LRRC37A2: variants seen among roughly 807,000 people sequenced by gnomAD.
The protein encoded by LRRC37A2 is leucine-rich repeat-containing protein 37A2.
In LRRC37A2, 9 loss-of-function variants were observed where a neutral mutation model predicts 68.8. The ratio of observed to expected loss-of-function variants is 0.13; its 90% CI spans 0.08 to 0.23. LRRC37A2 has a LOEUF of 0.23. Among genes scored for constraint, LRRC37A2 ranks in the 10% least tolerant of loss-of-function variants. The pLI is 1.00. For missense variants in LRRC37A2, 168 were observed against 950.4 expected (o/e 0.18, Z 10.82); for synonymous variants, 63 against 367.6 (o/e 0.17, Z 9.48).
chr17:46,729,578 A>T, the LRRC37A2 span, among the ~76,000 whole-genome samples: 1 of 152,274 alleles, frequency 6.6e-6, no homozygotes, highest in East Asian at 1.9e-4. Context: ...CTGCCAGAGC[A>T]TGTTTGGCTG....
At chr17:46,885,655 T>C in the LRRC37A2 span, 7 of 152,226 alleles carry the variant, frequency 4.6e-5, no homozygotes, top group African/African-American at 1.7e-4. Flanking sequence ...AATATTGGCA[T>C]CTTTTGTTTT....
At chr17:46,995,895 C>G in the LRRC37A2 span, among the ~76,000 whole-genome samples, 1 of 152,174 alleles carries the variant, frequency 6.6e-6, no homozygotes, top group Admixed American at 6.5e-5. Context: ...AGGGGCCTGG[C>G]CTGCTCCATC....
chr17:46,812,199 G>A, the LRRC37A2 span, among the ~76,000 whole-genome samples: 3 of 152,146 alleles, frequency 2.0e-5, no homozygotes, highest in Non-Finnish European at 4.4e-5. Flanking sequence ...CTGAGAGCAG[G>A]GAATTCCCTC....
chr17:46,786,625 C>T, the LRRC37A2 span, among the ~76,000 whole-genome samples: 720 of 152,362 alleles, frequency 4.7e-3, 7 homozygotes, highest in African/African-American at 0.014. Context: ...TCAGGACTCC[C>T]AGGTAAAGCC....
chr17:46,741,531 G>A, the LRRC37A2 span, among the ~76,000 whole-genome samples: 1 of 151,940 alleles, frequency 6.6e-6, no homozygotes, highest in Non-Finnish European at 1.5e-5. Flanking sequence ...CTGCCTAGTT[G>A]TGGCATGATT....
chr17:47,033,420 C>G, the LRRC37A2 span: 3 of 691,510 alleles, frequency 4.3e-6, no homozygotes, highest in Non-Finnish European at 7.8e-6. Context: ...ACTTTCTCCC[C>G]AAGTACATCG....
chr17:46,974,987 C>CTT, the LRRC37A2 span, among the ~76,000 whole-genome samples: 877 of 118,932 alleles, frequency 7.4e-3, 57 homozygotes, highest in Admixed American at 0.01. Flanking sequence ...TTACTATTTT[C>CTT]TTTTTTTTTT....
the LRRC37A2 span, chr17:46,773,922 A>G: frequency 6.2e-7 from 1 of 1,610,094 alleles, no homozygotes; most frequent in African/African-American, 1.3e-5. Context: ...GCAGGCAGAC[A>G]GAGGGTAGTA....
the LRRC37A2 span, among the ~76,000 whole-genome samples, chr17:46,782,918 G>C: frequency 6.6e-6 from 1 of 152,212 alleles, no homozygotes. Context: ...CAGGGCCAAG[G>C]GTAGGGGGTT....
the LRRC37A2 span, among the ~76,000 whole-genome samples, chr17:46,982,204 C>G: frequency 6.6e-6 from 1 of 152,232 alleles, no homozygotes; most frequent in Non-Finnish European, 1.5e-5. Context: ...CCCGAACATT[C>G]TGTCCTCTGC....
At chr17:46,713,232 A>T in the LRRC37A2 span, 3 of 152,414 alleles carry the variant, frequency 2.0e-5, no homozygotes, top group African/African-American at 7.2e-5. Flanking sequence ...AGTCGAACAT[A>T]TGGGAGAAAG....
chr17:46,832,367 G>T, the LRRC37A2 span, among the ~76,000 whole-genome samples: 1 of 140,410 alleles, frequency 7.1e-6, no homozygotes, highest in South Asian at 2.6e-4. Flanking sequence ...AAGTTTTAAT[G>T]ATACACAACA....
chr17:46,891,067 C>T, the LRRC37A2 span, among the ~76,000 whole-genome samples: 4 of 151,768 alleles, frequency 2.6e-5, no homozygotes, highest in Admixed American at 2.0e-4. Context: ...TTGCAAAGCA[C>T]CTGATGGGGA....
the LRRC37A2 span, among the ~76,000 whole-genome samples, chr17:46,799,396 T>C: frequency 6.6e-6 from 1 of 152,028 alleles, no homozygotes; most frequent in African/African-American, 2.4e-5. Context: ...TTAGATGACC[T>C]GTAGAACATC....
At chr17:47,047,796 G>C in the LRRC37A2 span, among the ~76,000 whole-genome samples, 8 of 151,590 alleles carry the variant, frequency 5.3e-5, no homozygotes, top group Non-Finnish European at 1.2e-4. Context: ...TAGAATGGAG[G>C]GCTTTTCCAT....
At chr17:47,019,700 C>A in the LRRC37A2 span, 1 of 1,241,312 alleles carries the variant, frequency 8.1e-7, no homozygotes. Context: ...TCTGTACCTG[C>A]GGAGATGAGA....
the LRRC37A2 span, among the ~76,000 whole-genome samples, chr17:46,575,222 G>A: frequency 8.7e-6 from 1 of 115,248 alleles, no homozygotes; most frequent in Non-Finnish European, 2.0e-5. Context: ...TGGATCTAGA[G>A]GCAGTTCACA....
At chr17:46,768,833 C>T in the LRRC37A2 span, 8 of 1,605,228 alleles carry the variant, frequency 5.0e-6, no homozygotes, top group Non-Finnish European at 6.8e-6. The surrounding 1 kb of genome is among the most constrained non-coding windows in gnomAD (Gnocchi z 5.0). Context: ...GCCAACAGAC[C>T]GACCCCACGA....
chr17:46,424,672 T>A, the LRRC37A2 span, among the ~76,000 whole-genome samples: 5 of 114,514 alleles, frequency 4.4e-5, no homozygotes, highest in Admixed American at 4.2e-4. Flanking sequence ...TTTGATATTT[T>A]AATACATGTA....
Sources: gnomAD v4.1 joint callset for allele counts (sites outside exome capture counted in the v4.1 genomes callset) on GRCh38, gnomAD v4.1.1 for gene constraint, Gnocchi (gnomAD v3.1) non-coding constraint, MANE v1.5 for transcripts, NCBI Gene and HGNC (gene_info 2026-07-23, HGNC 2026-07-21) for gene names.